Variants in KIF1A observed in about 807,000 individuals in gnomAD.
KIF1A encodes kinesin family member 1A, also known as kinesin-like protein KIF1A.
In KIF1A, 46 loss-of-function variants were observed where a neutral mutation model predicts 227.3. That is an observed-to-expected ratio of 0.20 (90% CI 0.16 to 0.26). The LOEUF is 0.26. Ranked by LOEUF, KIF1A falls within the 10% of genes least tolerant of loss-of-function variation. KIF1A has a pLI of 1.00. For missense variants in KIF1A, 1,683 were observed against 2,485.9 expected (o/e 0.68, Z 6.87); for synonymous variants, 1,022 against 1,012.8 (o/e 1.01, Z -0.17).
intron 47 of KIF1A, among the ~76,000 whole-genome samples, chr2:240,718,568 C>A (rs1290140994): frequency 6.6e-6 from 1 of 152,244 alleles, no homozygotes; most frequent in Non-Finnish European, 1.5e-5. Context: ...TCCAGCCAGC[C>A]TGAAGGAGTC....
At chr2:240,815,877 G>A (rs1038644321) in intron 1 of KIF1A, among the ~76,000 whole-genome samples, 4 of 152,190 alleles carry the variant, frequency 2.6e-5, no homozygotes, top group African/African-American at 9.7e-5. Flanking sequence ...GAGCCAAGCG[G>A]TGCTGTTCTC....
At position 240,766,212 on chromosome 2, in the gene KIF1A, T is replaced by A. The variant is rs1245854186; in HGVS notation, c.1685-419A>T. 6.6e-6 allele frequency among the ~76,000 whole-genome samples: 1 copy of A among 152,222 alleles called. No homozygotes were observed. Among genetic ancestry groups the A allele is most frequent in the African/African-American group, 2.4e-5 (1 of 41,458 alleles). On this transcript the variant is annotated intron_variant, in intron 19 of 48. Transcript: ENST00000498729. This position sits in a 1 kb window ranked among gnomAD's most constrained non-coding sequence, Gnocchi z 5.0. ...CCAACACCACTTAGGGCCATCACCC[T>A]GAGGTGGCCAAGTTGGACAGTGGGT... is the stretch of plus-strand genomic sequence containing the variant.
intron 1 of KIF1A, among the ~76,000 whole-genome samples, chr2:240,798,382 C>A (rs1025863065): frequency 2.6e-5 from 4 of 152,222 alleles, no homozygotes; most frequent in Non-Finnish European, 1.5e-5. Flanking sequence ...GGACAAAAGT[C>A]AACGTTTTCG....
At chr2:240,762,688 C>A (rs769016549) in intron 23 of KIF1A, 31 bp downstream of exon 23, 6 of 1,546,584 alleles carry the variant, frequency 3.9e-6, no homozygotes, top group Non-Finnish European at 4.4e-6. Flanking sequence ...ACCCTCCTGA[C>A]GCAGCAGGTG....
At chr2:240,723,293 C>T in intron 42 of KIF1A, 120 bp downstream of exon 42, 1 of 994,166 alleles carries the variant, frequency 1.0e-6, no homozygotes, top group Non-Finnish European at 1.5e-6. Context: ...GGCTGTGACT[C>T]CCAAGCAGCT....
At chr2:240,783,656 G>A (rs2054361442) in intron 8 of KIF1A, 83 bp downstream of exon 8, 10 of 1,121,564 alleles carry the variant, frequency 8.9e-6, no homozygotes, top group Admixed American at 4.3e-5. Context: ...AGGCCCCCGG[G>A]ACCCCAACAG....
chr2:240,735,108 G>A (rs1262831782), intron 38 of KIF1A, among the ~76,000 whole-genome samples: 1 of 152,210 alleles, frequency 6.6e-6, no homozygotes, highest in Non-Finnish European at 1.5e-5. Context: ...GCCAGCAGAG[G>A]ACAGTCCCCA....
At chr2:240,756,811 T>G (rs956671728) in intron 27 of KIF1A, among the ~76,000 whole-genome samples, 4 of 152,220 alleles carry the variant, frequency 2.6e-5, no homozygotes, top group African/African-American at 9.6e-5. Context: ...CTGTCTCTTC[T>G]GGATGACAGC....
At chr2:240,784,761 G>T (rs950455004) in intron 7 of KIF1A, among the ~76,000 whole-genome samples, 37 of 152,088 alleles carry the variant, frequency 2.4e-4, no homozygotes, top group African/African-American at 8.7e-4. Context: ...CCAGAAGATG[G>T]CCCCCTGGCC....
At chr2:240,787,684 C>G (rs528538150) in intron 4 of KIF1A, among the ~76,000 whole-genome samples, 2 of 152,304 alleles carry the variant, frequency 1.3e-5, no homozygotes, top group African/African-American at 4.8e-5. Flanking sequence ...AAATGAGGAG[C>G]TGCTGGGTCT....
rs375672100 is a variant in KIF1A at position 240,750,457 on chromosome 2, G to A, written c.2949C>T (p.Phe983=). Residue 983 remains phenylalanine (F), a synonymous_variant, in exon 28 of 49, where the codon TTC becomes TTT. Coordinates refer to ENST00000498729, the MANE Select transcript of KIF1A (RefSeq NM_001244008.2). ...AGATGGCCTGGACGGCCACGCGGAG[G>A]AAGCCCTTCACCTCGCCCTTCTCGC... is the stretch of plus-strand genomic sequence containing the variant. The part of the protein sequence containing the change: ...IVSEKGEVKG[F]LRVAVQAISA... 24 of 1,613,834 alleles carry A rather than the reference G, an allele frequency of 1.5e-5. No homozygotes were observed. The highest frequency in any genetic ancestry group is 1.7e-4 in the Middle Eastern group (1 of 6,060).
intron 15 of KIF1A, among the ~76,000 whole-genome samples, 194 bp from the exon 16 acceptor site, chr2:240,769,900 G>A (rs1309587087): frequency 6.6e-6 from 1 of 152,224 alleles, no homozygotes; most frequent in Non-Finnish European, 1.5e-5. Context: ...ACACTCAGGA[G>A]AATGGAGAAA....
At position 240,819,662 on chromosome 2, in the gene KIF1A, C is replaced by T. The variant is rs978940118; in HGVS notation, c.-61+460G>A. Among the ~76,000 whole-genome samples the T allele has an allele frequency of 4.0e-5, 6 of 151,872 alleles. 1 individual carries two copies. The South Asian group carries it at 1.2e-3, about 32-fold the overall frequency. On this transcript the variant is annotated intron_variant, in intron 1 of 48. Transcript: ENST00000498729. ...CGCACCCTCCCAGGTGCGGCGTCAG[C>T]GTCCTCAGCCCCGCTCACCATCCCT...
intron 10 of KIF1A, among the ~76,000 whole-genome samples, chr2:240,780,692 TC>T (rs1287552183): frequency 1.3e-5 from 2 of 151,548 alleles, no homozygotes; most frequent in Non-Finnish European, 2.9e-5. Flanking sequence ...AGGCATTTAT[TC>T]CTCTGGTCCT....
At chr2:240,732,516 GA>G in intron 38 of KIF1A, among the ~76,000 whole-genome samples, 1 of 130,768 alleles carries the variant, frequency 7.6e-6, no homozygotes, top group Non-Finnish European at 1.6e-5. Context: ...ATTGAGTGAG[GA>G]AATAGGGTAA....
rs755058594 is a variant in KIF1A at position 240,765,716 on chromosome 2, G to A, written c.1762C>T (p.Arg588Cys). ...CCGGAGTCCCCAGCCATACCTGAAC[G>A]CAGGATGCTGGGCTCTGTGACTTTC... ...GKKVTEPSIL[R>C]SGNRIIMGKS... The change falls in exon 20 of 49, where the codon CGT becomes TGT. Residue 588 changes from arginine (R) to cysteine (C), a missense_variant. Transcript: ENST00000498729. The A allele has an allele frequency of 4.3e-6, 7 of 1,612,788 alleles. No individual in the cohort carries two copies. The highest frequency in any genetic ancestry group is 1.3e-5 in the African/African-American group (1 of 74,902).
chr2:240,806,526 G>A (rs2057418793), intron 1 of KIF1A, among the ~76,000 whole-genome samples: 1 of 152,142 alleles, frequency 6.6e-6, no homozygotes, highest in East Asian at 1.9e-4. Context: ...TCCTGCAGGT[G>A]GTCTACTCTA....
chr2:240,734,785 G>T lies in KIF1A; in HGVS notation c.4007+2278C>A, dbSNP rs748568682. The T allele has an allele frequency of 3.8e-6, 5 of 1,303,382 alleles. No individual in the cohort carries two copies. The East Asian group carries it at 2.8e-4, about 72-fold the overall frequency. The allele number at this position is 1,303,382 out of a possible 1,614,324, so 80.7% of individuals were successfully genotyped here. ...CAATCACACGGTTAGTGAGGGCCGG[G>T]CAGCGCAGCGGGAGCGGGGTGGGGG... On this transcript the variant is annotated intron_variant, in intron 38 of 48. Coordinates refer to ENST00000498729, the MANE Select transcript of KIF1A (RefSeq NM_001244008.2).
intron 42 of KIF1A, among the ~76,000 whole-genome samples, chr2:240,722,971 T>A (rs1174091350): frequency 6.6e-6 from 1 of 152,108 alleles, no homozygotes; most frequent in East Asian, 1.9e-4. Context: ...GCTGGAGGCC[T>A]CAGGAGAGGG....
Sources: gnomAD v4.1 joint callset for allele counts (sites outside exome capture counted in the v4.1 genomes callset) on GRCh38, gnomAD v4.1.1 for gene constraint, Gnocchi (gnomAD v3.1) non-coding constraint, MANE v1.5 for transcripts, NCBI Gene and HGNC (gene_info 2026-07-23, HGNC 2026-07-21) for gene names.